TYW1B: variants seen among roughly 807,000 people sequenced by gnomAD.
The protein encoded by TYW1B is S-adenosyl-L-methionine-dependent tRNA 4-demethylwyosine synthase TYW1B.
Under a neutral mutation model 86.9 loss-of-function variants are expected in TYW1B, and 73 were observed. The observed-to-expected ratio is 0.84, with a 90% confidence interval of 0.70 to 1.02. The LOEUF (loss-of-function observed/expected upper bound fraction) is 1.02, where lower values mean the gene tolerates loss of function less well. Among genes scored for constraint, TYW1B ranks in the 50% least tolerant of loss-of-function variants. TYW1B has a pLI of 0.00. For synonymous variants in TYW1B, 248 were observed against 292.8 expected (o/e 0.85, Z 1.56); for missense variants, 637 against 827.4 (o/e 0.77, Z 2.82).
At chr7:72,760,449 T>G (rs576989482) in intron 7 of TYW1B, among the ~76,000 whole-genome samples, 1 of 152,320 alleles carries the variant, frequency 6.6e-6, no homozygotes, top group East Asian at 1.9e-4. Context: ...ACCAGTGAGT[T>G]TGTATTATAA....
At chr7:72,825,275 A>T (rs1242328579) in intron 2 of TYW1B, among the ~76,000 whole-genome samples, 1 of 152,128 alleles carries the variant, frequency 6.6e-6, no homozygotes, top group African/African-American at 2.4e-5. Flanking sequence ...CCCCCCAAAA[A>T]AGAGAGAATG....
intron 11 of TYW1B, among the ~76,000 whole-genome samples, chr7:72,649,192 G>T (rs1813003772): frequency 6.6e-6 from 1 of 152,188 alleles, no homozygotes; most frequent in African/African-American, 2.4e-5. Flanking sequence ...AAGAACGAAT[G>T]ACTAGTAAGG....
chr7:72,679,259 G>C (rs2129569899), intron 11 of TYW1B, among the ~76,000 whole-genome samples: 1 of 152,290 alleles, frequency 6.6e-6, no homozygotes, highest in Admixed American at 6.5e-5. Flanking sequence ...CATATCCTAT[G>C]ATCCAGCAAC....
chr7:72,632,027 T>C (rs1462603275), intron 11 of TYW1B, among the ~76,000 whole-genome samples: 1 of 151,884 alleles, frequency 6.6e-6, no homozygotes, highest in African/African-American at 2.4e-5. Context: ...CTGGGTGCAC[T>C]GGCTCACGCC....
intron 11 of TYW1B, among the ~76,000 whole-genome samples, chr7:72,639,857 C>A: frequency 7.6e-6 from 1 of 131,020 alleles, no homozygotes; most frequent in Non-Finnish European, 1.5e-5. Flanking sequence ...CAGAGTGAGA[C>A]TCCATCTCAA....
chr7:72,749,348 C>T (rs1247825062), intron 7 of TYW1B, among the ~76,000 whole-genome samples: 1 of 152,112 alleles, frequency 6.6e-6, no homozygotes, highest in African/African-American at 2.4e-5. Context: ...GGCTGGAGTG[C>T]AGTGGCACGA....
intron 8 of TYW1B, among the ~76,000 whole-genome samples, chr7:72,736,247 G>T (rs1787195101): frequency 6.6e-6 from 1 of 152,164 alleles, no homozygotes; most frequent in African/African-American, 2.4e-5. Context: ...AACAAAGGAA[G>T]GAGGAAGTAA....
At chr7:72,813,010 A>C (rs1237740972) in intron 3 of TYW1B, among the ~76,000 whole-genome samples, 5 of 151,910 alleles carry the variant, frequency 3.3e-5, no homozygotes, top group African/African-American at 1.2e-4. Context: ...TTTTTTAAAG[A>C]AAGTTTTAGT....
rs1814047695 is a variant in TYW1B at position 72,687,889 on chromosome 7, TC to T, written c.1506+6797del. 3.3e-5 allele frequency among the ~76,000 whole-genome samples: 5 copies of T among 151,144 alleles called. No homozygotes were observed. The South Asian group carries it at 1.0e-3, about 31-fold the overall frequency. On this transcript the variant is annotated intron_variant, in intron 11 of 13. Transcript: ENST00000620995. ...TGGGCAACAAACAAGAACCCATCTCTCAAAAAAAAATTTTTTAGCCAGGTGT... is the reference window on the plus strand; with the variant it reads ...TGGGCAACAAACAAGAACCCATCTCTAAAAAAAAATTTTTTAGCCAGGTGT...
intron 10 of TYW1B, among the ~76,000 whole-genome samples, chr7:72,700,764 T>C (rs1403596212): frequency 1.3e-5 from 2 of 152,166 alleles, no homozygotes; most frequent in African/African-American, 4.8e-5. Flanking sequence ...CATACTTTTG[T>C]TTCTTTGAAA....
intron 11 of TYW1B, among the ~76,000 whole-genome samples, chr7:72,693,586 G>A (rs1464483570): frequency 6.6e-6 from 1 of 151,670 alleles, no homozygotes; most frequent in African/African-American, 2.4e-5. Flanking sequence ...GTAGAGACGG[G>A]GTTTTGCCAT....
intron 10 of TYW1B, among the ~76,000 whole-genome samples, chr7:72,708,046 C>A (rs1814654759): frequency 6.6e-6 from 1 of 152,204 alleles, no homozygotes; most frequent in South Asian, 2.1e-4. Context: ...GCTTCCTCTA[C>A]AACCTGCAGA....
chr7:72,656,577 G>A (rs1813210294), intron 11 of TYW1B, among the ~76,000 whole-genome samples: 1 of 151,788 alleles, frequency 6.6e-6, no homozygotes, highest in Non-Finnish European at 1.5e-5. Context: ...TCGCGCCACT[G>A]CACTCCAGCC....
chr7:72,635,319 T>C (rs1721479298), intron 11 of TYW1B, among the ~76,000 whole-genome samples: 1 of 152,224 alleles, frequency 6.6e-6, no homozygotes, highest in African/African-American at 2.4e-5. Flanking sequence ...CACTTTTAAT[T>C]ACTGTTGCTT....
At chr7:72,648,634 A>C (rs1812990617) in intron 11 of TYW1B, among the ~76,000 whole-genome samples, 1 of 152,176 alleles carries the variant, frequency 6.6e-6, no homozygotes, top group Admixed American at 6.6e-5. Context: ...GTAGAACCTA[A>C]GAAGATCATG....
chr7:72,613,521 C>T (rs1378088261), intron 13 of TYW1B, among the ~76,000 whole-genome samples: 9 of 149,422 alleles, frequency 6.0e-5, no homozygotes, highest in Non-Finnish European at 1.0e-4. Flanking sequence ...GATTCTCCTG[C>T]CTCAGCTTCC....
rs369910907 is a variant in TYW1B at position 72,668,690 on chromosome 7, A to G, written c.1506+25997T>C. On this transcript the variant is annotated intron_variant, in intron 11 of 13. Coordinates refer to ENST00000620995, the MANE Select transcript of TYW1B (RefSeq NM_001145440.3). ...TCTTTAGTAATCAGTGGTGGCTCTTAAGGAACACAGAGCAGCTGGAGGTCA... is the reference window on the plus strand; with the variant it reads ...TCTTTAGTAATCAGTGGTGGCTCTTGAGGAACACAGAGCAGCTGGAGGTCA... Among the ~76,000 whole-genome samples, 205 of 152,252 alleles carry G rather than the reference A, an allele frequency of 1.3e-3. 2 individuals carry two copies. The Middle Eastern group carries it at 0.017, about 13-fold the overall frequency.
chr7:72,630,608 A>G (rs1208728262), intron 11 of TYW1B, among the ~76,000 whole-genome samples: 3 of 152,184 alleles, frequency 2.0e-5, no homozygotes, highest in African/African-American at 7.2e-5. Context: ...AAGAAGAAAC[A>G]CTTGAAATCT....
At chr7:72,770,546 A>G (rs1490168700) in intron 7 of TYW1B, among the ~76,000 whole-genome samples, 2 of 152,188 alleles carry the variant, frequency 1.3e-5, no homozygotes, top group Non-Finnish European at 2.9e-5. Context: ...ATGTGTAACA[A>G]ATGAAACTTT....
Sources: gnomAD v4.1 joint callset for allele counts (sites outside exome capture counted in the v4.1 genomes callset) on GRCh38, gnomAD v4.1.1 for gene constraint, MANE v1.5 for transcripts, NCBI Gene and HGNC (gene_info 2026-07-23, HGNC 2026-07-21) for gene names.